FGF7: variants seen among roughly 807,000 people sequenced by gnomAD.
The protein encoded by FGF7 is fibroblast growth factor 7.
A neutral mutation model predicts 20.5 loss-of-function variants in FGF7; 6 were observed. That is an observed-to-expected ratio of 0.29 (90% confidence interval 0.16 to 0.58). The LOEUF is 0.58. Among genes scored for constraint, FGF7 ranks in the 20% least tolerant of loss-of-function variants. The pLI is 0.90. For synonymous variants in FGF7, 64 were observed against 74.7 expected (o/e 0.86, Z 0.74); for missense variants, 144 against 228.8 (o/e 0.63, Z 2.39).
At chr15:49,462,086 TC>T (rs2053849517) in intron 2 of FGF7, among the ~76,000 whole-genome samples, 1 of 152,080 alleles carries the variant, frequency 6.6e-6, no homozygotes, top group South Asian at 2.1e-4. Context: ...GCCACTGTAC[TC>T]CAGCCTGGGT....
intron 2 of FGF7, among the ~76,000 whole-genome samples, chr15:49,435,154 A>G (rs1380723467): frequency 6.6e-6 from 1 of 151,524 alleles, no homozygotes; most frequent in African/African-American, 2.4e-5. Flanking sequence ...AATGAATGAA[A>G]TATTTTTTAC....
intron 3 of FGF7, 118 bp from the exon 4 acceptor site, chr15:49,484,192 G>C: frequency 1.6e-6 from 1 of 637,808 alleles, no homozygotes; most frequent in Non-Finnish European, 2.7e-6. Context: ...TCAATCTGAG[G>C]GTTAAAAAAA....
chr15:49,476,078 T>C (rs1252046589), intron 2 of FGF7, among the ~76,000 whole-genome samples: 1 of 152,136 alleles, frequency 6.6e-6, no homozygotes, highest in East Asian at 1.9e-4. Flanking sequence ...ATCTCTCAAT[T>C]AGCATGTTTC....
chr15:49,472,977 A>T (rs2054917000), intron 2 of FGF7, among the ~76,000 whole-genome samples: 1 of 152,166 alleles, frequency 6.6e-6, no homozygotes, highest in South Asian at 2.1e-4. Context: ...TTATAAACAG[A>T]ATTAAAGTGG....
chr15:49,476,873 C>G (rs2055372798), intron 2 of FGF7, among the ~76,000 whole-genome samples: 1 of 151,912 alleles, frequency 6.6e-6, no homozygotes, highest in African/African-American at 2.4e-5. Flanking sequence ...TCCTGGCTAA[C>G]ACGGTGAAAC....
intron 2 of FGF7, among the ~76,000 whole-genome samples, chr15:49,476,033 A>G (rs1305751325): frequency 6.6e-6 from 1 of 152,096 alleles, no homozygotes; most frequent in African/African-American, 2.4e-5. Context: ...TGACTTTTGA[A>G]TCTTTGCTTC....
intron 2 of FGF7, among the ~76,000 whole-genome samples, chr15:49,478,155 G>T (rs4775811): frequency 0.33 from 49,375 of 151,916 alleles, 8,753 homozygotes; most frequent in African/African-American, 0.45. Context: ...CACTTATAAG[G>T]GAAAACATGC....
intron 2 of FGF7, among the ~76,000 whole-genome samples, chr15:49,433,360 A>G (rs573324574): frequency 6.6e-6 from 1 of 151,728 alleles, no homozygotes; most frequent in Admixed American, 6.6e-5. Flanking sequence ...TTCCAGTGGT[A>G]GAAGCAGCAG....
chr15:49,475,815 G>A (rs544775876), intron 2 of FGF7, among the ~76,000 whole-genome samples: 4 of 152,004 alleles, frequency 2.6e-5, no homozygotes, highest in East Asian at 3.9e-4. Flanking sequence ...TGGCAAAACC[G>A]GGTCTCTACT....
chr15:49,439,277 G>GGA (rs146268849), intron 2 of FGF7, among the ~76,000 whole-genome samples: 27 of 149,088 alleles, frequency 1.8e-4, no homozygotes, highest in Admixed American at 1.2e-3. Flanking sequence ...GAGAGGGGTA[G>GGA]GAGAGAGAGA....
chr15:49,477,017 G>A (rs369372306), intron 2 of FGF7, among the ~76,000 whole-genome samples: 18 of 149,020 alleles, frequency 1.2e-4, no homozygotes, highest in African/African-American at 3.2e-4. Context: ...CGGAGATCCC[G>A]CCACTGCACT....
intron 2 of FGF7, among the ~76,000 whole-genome samples, chr15:49,439,266 T>C (rs1278489044): frequency 6.8e-6 from 1 of 146,954 alleles, no homozygotes. Context: ...GACTGAGCAA[T>C]GAGAGGGGTA....
At chr15:49,461,752 T>C (rs1014421819) in intron 2 of FGF7, among the ~76,000 whole-genome samples, 12 of 152,242 alleles carry the variant, frequency 7.9e-5, no homozygotes, top group African/African-American at 2.9e-4. Flanking sequence ...AGAGATACCA[T>C]GTGAAATTCA....
chr15:49,459,449 C>A (rs1303117971), intron 2 of FGF7, among the ~76,000 whole-genome samples: 1 of 151,884 alleles, frequency 6.6e-6, no homozygotes, highest in Admixed American at 6.6e-5. Context: ...TGTTTTCTTT[C>A]TTTTCTTTTT....
At chr15:49,482,099 ACTTTT>A (rs1329910769) in intron 2 of FGF7, among the ~76,000 whole-genome samples, 1 of 152,158 alleles carries the variant, frequency 6.6e-6, no homozygotes, top group African/African-American at 2.4e-5. Context: ...TGACACTTTG[ACTTTT>A]CTTTGCACTG....
At chr15:49,438,421 C>G (rs2051306317) in intron 2 of FGF7, among the ~76,000 whole-genome samples, 1 of 151,674 alleles carries the variant, frequency 6.6e-6, no homozygotes, top group African/African-American at 2.4e-5. Context: ...TCCACCCAGT[C>G]TTTGATACAG....
At chr15:49,438,525 T>C (rs1567275334) in intron 2 of FGF7, among the ~76,000 whole-genome samples, 1 of 151,694 alleles carries the variant, frequency 6.6e-6, no homozygotes, top group Non-Finnish European at 1.5e-5. Flanking sequence ...TCTTAGCTTA[T>C]CACACCAATA....
chr15:49,480,288 T>A (rs913520864), intron 2 of FGF7, among the ~76,000 whole-genome samples: 1 of 152,020 alleles, frequency 6.6e-6, no homozygotes, highest in Admixed American at 6.6e-5. Context: ...ATTAAAAATG[T>A]TCATCACCTT....
At chr15:49,483,316 C>T in intron 3 of FGF7, 62 bp downstream of exon 3, 1 of 822,708 alleles carries the variant, frequency 1.2e-6, no homozygotes, top group South Asian at 1.4e-5. Flanking sequence ...AATATCTCAC[C>T]TTTCTGAAAA....
Sources: gnomAD v4.1 joint callset for allele counts (sites outside exome capture counted in the v4.1 genomes callset) on GRCh38, gnomAD v4.1.1 for gene constraint, MANE v1.5 for transcripts, NCBI Gene and HGNC (gene_info 2026-07-23, HGNC 2026-07-21) for gene names.